CTNNA2: variants seen among roughly 807,000 people sequenced by gnomAD.
The protein encoded by CTNNA2 is catenin alpha 2, also known as catenin alpha-2.
Under a neutral mutation model 101.0 loss-of-function variants are expected in CTNNA2, and 42 were observed. That is an observed-to-expected ratio of 0.42 (90% CI 0.32 to 0.54). The LOEUF is 0.54. Among genes scored for constraint, CTNNA2 ranks in the 20% least tolerant of loss-of-function variants. CTNNA2 has a pLI of 0.14. For missense variants in CTNNA2, 871 were observed against 1,223.1 expected, an observed-to-expected ratio of 0.71 and a Z score of 4.29; for synonymous variants, 450 against 456.4, an observed-to-expected ratio of 0.99 and a Z score of 0.18.
chr2:80,561,815 C>A (rs932175378), intron 12 of CTNNA2, among the ~76,000 whole-genome samples: 2 of 147,102 alleles, frequency 1.4e-5, no homozygotes, highest in African/African-American at 2.5e-5. Context: ...CGGTCGCCAC[C>A]ACGCCTGGCT....
intron 2 of CTNNA2, among the ~76,000 whole-genome samples, chr2:79,213,267 C>T (rs1334494458): frequency 3.9e-5 from 6 of 152,174 alleles, no homozygotes; most frequent in Non-Finnish European, 8.8e-5. Context: ...ACGGCCTTTG[C>T]AGTGAATGAC....
chr2:79,280,942 T>C (rs1285436569), intron 2 of CTNNA2, among the ~76,000 whole-genome samples: 1 of 152,012 alleles, frequency 6.6e-6, no homozygotes, highest in Admixed American at 6.6e-5. Flanking sequence ...GAAGCTCTGT[T>C]TGCACTCTAC....
chr2:79,550,616 C>G (rs914336657), intron 1 of CTNNA2, among the ~76,000 whole-genome samples: 3 of 152,190 alleles, frequency 2.0e-5, no homozygotes, highest in African/African-American at 7.2e-5. Context: ...ACCATTACAT[C>G]TGTATTAAGC....
At chr2:79,489,523 G>T (rs60486368) in intron 4 of CTNNA2, among the ~76,000 whole-genome samples, 10,330 of 152,174 alleles carry the variant, frequency 0.068, 749 homozygotes, top group African/African-American at 0.18. Context: ...GGGCTTTCTG[G>T]TAAGCAGGGC....
chr2:79,499,517 A>G (rs1671296893), intron 4 of CTNNA2, among the ~76,000 whole-genome samples: 1 of 152,170 alleles, frequency 6.6e-6, no homozygotes, highest in African/African-American at 2.4e-5. Context: ...CGCAATTATA[A>G]TAAAATCCTT....
At chr2:80,638,744 A>C (rs1673131855) in intron 18 of CTNNA2, among the ~76,000 whole-genome samples, 3 of 152,378 alleles carry the variant, frequency 2.0e-5, no homozygotes, top group South Asian at 2.1e-4. Context: ...AATTGAAAAA[A>C]TGCAAATGAA....
intron 7 of CTNNA2, among the ~76,000 whole-genome samples, chr2:80,221,922 A>C (rs1708598958): frequency 6.6e-6 from 1 of 152,224 alleles, no homozygotes; most frequent in Non-Finnish European, 1.5e-5. Flanking sequence ...ATGGCTTTAA[A>C]TTGAAGGAGT....
intron 4 of CTNNA2, among the ~76,000 whole-genome samples, chr2:79,477,905 C>A (rs1174664400): frequency 2.0e-5 from 3 of 152,184 alleles, no homozygotes; most frequent in Non-Finnish European, 4.4e-5. Context: ...ACTAGTTTTG[C>A]CCCAGCAATG....
chr2:79,403,839 A>G (rs1024229748), intron 4 of CTNNA2, among the ~76,000 whole-genome samples: 1 of 152,018 alleles, frequency 6.6e-6, no homozygotes, highest in Non-Finnish European at 1.5e-5. Flanking sequence ...TAATTAACAT[A>G]GTTGTTGTGG....
chr2:79,813,370 C>T (rs1184563372), intron 3 of CTNNA2, among the ~76,000 whole-genome samples: 5 of 152,074 alleles, frequency 3.3e-5, no homozygotes, highest in Admixed American at 3.3e-4. Flanking sequence ...AGTAACAGGC[C>T]TAGGTCAGTG....
intron 9 of CTNNA2, among the ~76,000 whole-genome samples, chr2:80,542,027 C>T (rs1254779419): frequency 6.6e-6 from 1 of 151,184 alleles, no homozygotes; most frequent in African/African-American, 2.4e-5. Context: ...ACCCATTTCC[C>T]CAACCCCAGA....
intron 7 of CTNNA2, among the ~76,000 whole-genome samples, chr2:80,371,986 G>C (rs577221027): frequency 1.3e-5 from 2 of 152,210 alleles, no homozygotes; most frequent in East Asian, 3.9e-4. Context: ...AGACTTAATT[G>C]AACTAATAAT....
intron 2 of CTNNA2, among the ~76,000 whole-genome samples, chr2:79,268,164 A>G (rs1675011558): frequency 6.6e-6 from 1 of 152,154 alleles, no homozygotes; most frequent in Non-Finnish European, 1.5e-5. Flanking sequence ...TAGTATCAAC[A>G]GGCATGATGA....
intron 14 of CTNNA2, among the ~76,000 whole-genome samples, chr2:80,587,889 A>G (rs1399861409): frequency 6.6e-6 from 1 of 152,214 alleles, no homozygotes; most frequent in Non-Finnish European, 1.5e-5. Context: ...CGGTGATGAC[A>G]GACATTTCAT....
In CTNNA2 at chr2:79,326,313, A is replaced by T. The variant is rs201520520; in HGVS notation, c.-318+13517A>T. 7.2e-5 allele frequency among the ~76,000 whole-genome samples: 11 copies of T among 151,766 alleles called. 1 individual carries two copies. In the East Asian group the frequency reaches 7.8e-4, roughly 11 times the overall value. The stretch of plus-strand genomic sequence containing the variant: ...TAAACAAACAAGCAAAAAAAAAAAA[A>T]ACCAGACATCTAGAGATAAGAGTAG... On this transcript the variant is annotated intron_variant, in intron 3 of 21. Transcript: ENST00000466387.
At chr2:79,376,127 T>G (rs564951934) in intron 4 of CTNNA2, among the ~76,000 whole-genome samples, 1 of 152,006 alleles carries the variant, frequency 6.6e-6, no homozygotes, top group African/African-American at 2.4e-5. Flanking sequence ...CAGAAGATGG[T>G]AGATGAGGTT....
In CTNNA2 at chr2:79,843,694, G is replaced by T. The variant is rs1574110220; in HGVS notation, c.299-14319G>T. Among the ~76,000 whole-genome samples, 7 of 152,054 alleles carry T rather than the reference G, an allele frequency of 4.6e-5. No individual in the cohort carries two copies. In the South Asian group the frequency reaches 1.5e-3, roughly 32 times the overall value. ...CAGCCATACCTTTAAACTCCTTTTG[G>T]TGAATAAAGCCACTTGCTGTTCAGA... On this transcript the variant is annotated intron_variant, in intron 3 of 18. Transcript: ENST00000402739.
intron 8 of CTNNA2, among the ~76,000 whole-genome samples, chr2:80,418,239 C>T (rs1250146818): frequency 1.3e-5 from 2 of 152,090 alleles, no homozygotes; most frequent in East Asian, 1.9e-4. Context: ...TTTTAAAGTC[C>T]CAGCTTCTTC....
chr2:80,013,593 A>C (rs912067806), intron 7 of CTNNA2, among the ~76,000 whole-genome samples: 3 of 152,132 alleles, frequency 2.0e-5, no homozygotes, highest in Non-Finnish European at 4.4e-5. Flanking sequence ...TCTGCAGAAC[A>C]GTTTTGGTTG....
Sources: gnomAD v4.1 joint callset for allele counts (sites outside exome capture counted in the v4.1 genomes callset) on GRCh38, gnomAD v4.1.1 for gene constraint, MANE v1.5 for transcripts, NCBI Gene and HGNC (gene_info 2026-07-23, HGNC 2026-07-21) for gene names.